Variants in LUZP2 observed in about 807,000 individuals in gnomAD.
LUZP2 encodes the protein leucine zipper protein 2.
In LUZP2, 52 loss-of-function variants were observed where a neutral mutation model predicts 51.6. The ratio of observed to expected loss-of-function variants is 1.01; its 90% CI spans 0.81 to 1.27. The LOEUF (loss-of-function observed/expected upper bound fraction) is 1.27. Among genes scored for constraint, LUZP2 ranks in the 50% most tolerant of loss-of-function variants. The probability of loss-of-function intolerance (pLI) is 0.00; values close to 1 mark genes in which losing one functional copy is unlikely to be tolerated. For missense variants in LUZP2, 436 were observed against 395.4 expected (o/e 1.10, Z -0.87); for synonymous variants, 154 against 137.3 (o/e 1.12, Z -0.85).
chr11:25,012,282 C>T (rs895276375), intron 9 of LUZP2, among the ~76,000 whole-genome samples: 2 of 152,102 alleles, frequency 1.3e-5, no homozygotes, highest in Non-Finnish European at 2.9e-5. Flanking sequence ...AATCAAGATG[C>T]TTTTATTATT....
intron 1 of LUZP2, among the ~76,000 whole-genome samples, chr11:24,629,970 C>G (rs1216156568): frequency 6.6e-6 from 1 of 151,628 alleles, no homozygotes; most frequent in African/African-American, 2.4e-5. Flanking sequence ...TTTTCATATA[C>G]GTGTTGGCCA....
chr11:24,819,798 A>G (rs1238222031), intron 5 of LUZP2, among the ~76,000 whole-genome samples: 1 of 152,134 alleles, frequency 6.6e-6, no homozygotes, highest in Non-Finnish European at 1.5e-5. Flanking sequence ...TATACATTGT[A>G]GAGTTAAGTT....
At chr11:24,755,937 A>G (rs989526334) in intron 4 of LUZP2, among the ~76,000 whole-genome samples, 6 of 152,082 alleles carry the variant, frequency 3.9e-5, no homozygotes, top group African/African-American at 1.2e-4. Flanking sequence ...AAGCCCTCCA[A>G]TCCTGAAGAC....
Position 24,497,248 on chromosome 11 carries a change from A to C in LUZP2, c.5A>C (p.Lys2Thr). The C allele has an allele frequency of 6.4e-7, 1 of 1,552,390 alleles. No homozygotes were observed. The highest frequency in any genetic ancestry group is 8.7e-7 in the Non-Finnish European group (1 of 1,146,214). The change falls in exon 1 of 12, where the codon AAA (lysine) becomes ACA (threonine). Residue 2 changes from lysine to threonine, a missense_variant. Transcript: ENST00000336930. ...AGGACCCCGGCAGGCAGCAGCATGAAATTCAGCCCAGCGCACTACCTGCTG... is the reference window on the plus strand; with the variant it reads ...AGGACCCCGGCAGGCAGCAGCATGACATTCAGCCCAGCGCACTACCTGCTG... M[K>T]FSPAHYLLPL...
At chr11:24,687,328 G>A (rs1453235956) in intron 1 of LUZP2, among the ~76,000 whole-genome samples, 2 of 152,218 alleles carry the variant, frequency 1.3e-5, no homozygotes, top group Middle Eastern at 3.4e-3. Flanking sequence ...TTCAAAAGTA[G>A]GGAAATCATT....
intron 7 of LUZP2, among the ~76,000 whole-genome samples, chr11:24,959,435 C>A (rs1855324871): frequency 6.6e-6 from 1 of 152,072 alleles, no homozygotes; most frequent in Non-Finnish European, 1.5e-5. Context: ...TTTCCTTGAG[C>A]AGCGGTTTGT....
intron 7 of LUZP2, among the ~76,000 whole-genome samples, chr11:24,917,498 A>G (rs1784947724): frequency 6.6e-6 from 1 of 152,044 alleles, no homozygotes; most frequent in Non-Finnish European, 1.5e-5. Context: ...ATCCATCTTG[A>G]ATTAATTTTT....
intron 1 of LUZP2, among the ~76,000 whole-genome samples, chr11:24,725,203 T>A (rs1247401554): frequency 1.3e-5 from 2 of 152,102 alleles, no homozygotes; most frequent in Non-Finnish European, 2.9e-5. Context: ...AGTATCAAAA[T>A]GTTGTACACA....
At chr11:24,743,066 A>G (rs184111033) in intron 4 of LUZP2, among the ~76,000 whole-genome samples, 297 of 152,192 alleles carry the variant, frequency 2.0e-3, no homozygotes, top group African/African-American at 5.2e-3. Context: ...CTATTTGTAT[A>G]CCAATACTAT....
chr11:24,772,589 A>G (rs1224684696), intron 5 of LUZP2, among the ~76,000 whole-genome samples: 1 of 152,166 alleles, frequency 6.6e-6, no homozygotes, highest in Non-Finnish European at 1.5e-5. Context: ...TTAATTTCGT[A>G]TCCAGCATGT....
chr11:24,569,872 A>C (rs1272229306), intron 1 of LUZP2, among the ~76,000 whole-genome samples: 1 of 120,694 alleles, frequency 8.3e-6, no homozygotes, highest in Admixed American at 8.5e-5. Context: ...TAAAATATTT[A>C]TAAGTAATTA....
At chr11:24,671,855 C>A (rs977247619) in intron 1 of LUZP2, among the ~76,000 whole-genome samples, 1 of 151,934 alleles carries the variant, frequency 6.6e-6, no homozygotes, top group Non-Finnish European at 1.5e-5. Context: ...TAAATGAGTA[C>A]GGGATAAATA....
intron 1 of LUZP2, among the ~76,000 whole-genome samples, chr11:24,536,169 C>T (rs1851172008): frequency 6.6e-6 from 1 of 151,634 alleles, no homozygotes; most frequent in Non-Finnish European, 1.5e-5. Flanking sequence ...TTTTAACATG[C>T]CGGCAGAGTA....
At chr11:24,797,820 G>C (rs1376179086) in intron 5 of LUZP2, among the ~76,000 whole-genome samples, 2 of 152,136 alleles carry the variant, frequency 1.3e-5, no homozygotes, top group African/African-American at 4.8e-5. Context: ...TAAATCTGCT[G>C]GCAAGATGCT....
intron 10 of LUZP2, among the ~76,000 whole-genome samples, chr11:25,053,742 A>T (rs1858594127): frequency 6.6e-6 from 1 of 152,150 alleles, no homozygotes; most frequent in South Asian, 2.1e-4. Flanking sequence ...TTATGAAAAA[A>T]TGATGCTATG....
chr11:24,544,742 A>G (rs1334084363), intron 1 of LUZP2, among the ~76,000 whole-genome samples: 4 of 152,150 alleles, frequency 2.6e-5, no homozygotes, highest in Non-Finnish European at 4.4e-5. Context: ...TGCAATAAGC[A>G]CTATTTGCCT....
chr11:24,965,184 T>G (rs190191626), intron 7 of LUZP2, among the ~76,000 whole-genome samples: 53 of 150,760 alleles, frequency 3.5e-4, no homozygotes, highest in Non-Finnish European at 7.3e-4. Flanking sequence ...ATGTGAAAAT[T>G]GTCATTCTTC....
At chr11:24,737,740 C>G (rs1858996577) in intron 3 of LUZP2, among the ~76,000 whole-genome samples, 1 of 151,960 alleles carries the variant, frequency 6.6e-6, no homozygotes, top group South Asian at 2.1e-4. Context: ...CCTGTTTTTA[C>G]AAAAGATGTC....
chr11:24,984,549 T>TATATATATATTA (rs60530495), intron 9 of LUZP2, among the ~76,000 whole-genome samples: 3 of 71,224 alleles, frequency 4.2e-5, no homozygotes, highest in Non-Finnish European at 8.4e-5. Context: ...TATATATATA[T>TATATATATATTA]AATTGTGAAT....
Sources: gnomAD v4.1 joint callset for allele counts (sites outside exome capture counted in the v4.1 genomes callset) on GRCh38, gnomAD v4.1.1 for gene constraint, MANE v1.5 for transcripts, NCBI Gene and HGNC (gene_info 2026-07-23, HGNC 2026-07-21) for gene names.